The following SMARCAD1 variants were observed in gnomAD, a reference collection of about 807,000 sequenced individuals.
SMARCAD1 encodes SWI/SNF-related matrix-associated actin-dependent regulator of chromatin subfamily A containing DEAD/H box 1.
SMARCAD1 carries 25 observed loss-of-function variants against 127.1 expected under a neutral mutation model. That is an observed-to-expected ratio of 0.20 (90% confidence interval 0.14 to 0.27). The LOEUF (loss-of-function observed/expected upper bound fraction) is 0.27. SMARCAD1 is among the 10% of genes least tolerant of loss of function. The pLI is 1.00. For synonymous variants in SMARCAD1, 400 were observed against 396.9 expected (o/e 1.01, Z -0.09); for missense variants, 807 against 1,206.0 (o/e 0.67, Z 4.90).
chr4:94,281,398 CTG>C, intron 20 of SMARCAD1, 72 bp from the exon 21 acceptor site: 1 of 982,132 alleles, frequency 1.0e-6, no homozygotes, highest in Non-Finnish European at 1.6e-6. Context: ...ACACTTCTAA[CTG>C]TTTAAACCTG....
intron 2 of SMARCAD1, among the ~76,000 whole-genome samples, chr4:94,223,620 G>T (rs1473828128): frequency 6.6e-6 from 1 of 151,092 alleles, no homozygotes; most frequent in African/African-American, 2.4e-5. Context: ...CCAGGCTGGA[G>T]TGCAGTGGCA....
chr4:94,211,145 G>C (rs1045436751), intron 2 of SMARCAD1, among the ~76,000 whole-genome samples: 1 of 151,992 alleles, frequency 6.6e-6, no homozygotes, highest in Non-Finnish European at 1.5e-5. Context: ...GGTGGTACAT[G>C]CCTGTAATCC....
intron 2 of SMARCAD1, chr4:94,212,970 A>T: frequency 2.4e-6 from 2 of 825,030 alleles, no homozygotes; most frequent in East Asian, 1.3e-4. Flanking sequence ...TCGGTGCCCA[A>T]AGTTGTCAAT....
intron 23 of SMARCAD1, among the ~76,000 whole-genome samples, chr4:94,287,651 C>T (rs1755133377): frequency 6.6e-6 from 1 of 152,068 alleles, no homozygotes; most frequent in Non-Finnish European, 1.5e-5. Context: ...GTTTAACAGG[C>T]TATTGAAGTG....
intron 20 of SMARCAD1, 39 bp downstream of exon 20, chr4:94,280,819 ATTAC>A: frequency 1.3e-6 from 2 of 1,594,982 alleles, no homozygotes; most frequent in Non-Finnish European, 1.7e-6. Flanking sequence ...TATTTTCTCA[ATTAC>A]TTTAACTTCT....
chr4:94,276,961 T>C (rs1753399163), intron 15 of SMARCAD1, 61 bp from the exon 16 acceptor site: 13 of 1,568,152 alleles, frequency 8.3e-6, no homozygotes, highest in Non-Finnish European at 9.6e-6. Context: ...CTGGGGAGGA[T>C]AGACATGAAA....
At chr4:94,288,011 A>G (rs1303969935) in intron 23 of SMARCAD1, among the ~76,000 whole-genome samples, 6 of 151,984 alleles carry the variant, frequency 3.9e-5, no homozygotes, top group Admixed American at 6.5e-5. Context: ...TATTTTTTTA[A>G]TTGTTGAAAG....
chr4:94,220,386 T>C (rs1327793426), intron 2 of SMARCAD1, among the ~76,000 whole-genome samples: 3 of 152,162 alleles, frequency 2.0e-5, no homozygotes, highest in Non-Finnish European at 4.4e-5. Flanking sequence ...TAGCTGGGAC[T>C]ACAGGCGTGT....
At chr4:94,207,801 T>G (rs932530115), upstream of SMARCAD1, 1 of 258,472 alleles carries the variant, frequency 3.9e-6, no homozygotes, top group Admixed American at 5.0e-5. Flanking sequence ...TAGCATGCAC[T>G]CCACCTCTGA....
rs1319707217 is a variant in SMARCAD1, at chr4:94,227,734, T to C, written c.368+1438T>C. Among the ~76,000 whole-genome samples, 3 of 152,220 alleles carry C rather than the reference T, an allele frequency of 2.0e-5. No homozygotes were observed. In the East Asian group the frequency reaches 5.8e-4, roughly 29 times the overall value. ...AACATGCTATGATTGAGAACACTCC[T>C]AGACGTCTAAATGGAGATGTCAAGT... On this transcript the variant is annotated intron_variant, in intron 3 of 23. Coordinates refer to ENST00000354268, the MANE Select transcript of SMARCAD1 (RefSeq NM_020159.5).
intron 2 of SMARCAD1, among the ~76,000 whole-genome samples, chr4:94,222,742 C>T (rs1744341641): frequency 6.6e-6 from 1 of 152,114 alleles, no homozygotes; most frequent in African/African-American, 2.4e-5. Flanking sequence ...GCAGGTGGAT[C>T]ACCTGATGTC....
rs557537631 is a variant in SMARCAD1, at chr4:94,272,060, G to A, written c.1572+1242G>A. 2.6e-5 allele frequency among the ~76,000 whole-genome samples: 4 copies of A among 152,178 alleles called. No individual in the cohort carries two copies. In the South Asian group the frequency reaches 6.2e-4, roughly 24 times the overall value. The stretch of plus-strand genomic sequence containing the variant: ...CAAGATGAGTGTATCGGTAGCTTGC[G>A]TTTCTCCTGAGTCCTCTCTTTGACT... On this transcript the variant is annotated intron_variant, in intron 11 of 23. Transcript: ENST00000354268.
chr4:94,275,025 A>C, intron 14 of SMARCAD1, 60 bp downstream of exon 14: 2 of 1,150,940 alleles, frequency 1.7e-6, no homozygotes, highest in Non-Finnish European at 2.6e-6. Flanking sequence ...TTTAAAAAAG[A>C]AATTGTAGTA....
intron 2 of SMARCAD1, among the ~76,000 whole-genome samples, chr4:94,219,348 T>C (rs1286968510): frequency 1.3e-5 from 2 of 152,180 alleles, no homozygotes; most frequent in Admixed American, 6.5e-5. Context: ...TAATTTAAAG[T>C]ATTTCTATGT....
At chr4:94,265,217 T>C (rs1043434420) in intron 10 of SMARCAD1, among the ~76,000 whole-genome samples, 1 of 151,864 alleles carries the variant, frequency 6.6e-6, no homozygotes, top group African/African-American at 2.4e-5. Context: ...AAAAAGTGGT[T>C]TTAGTTACTC....
At chr4:94,239,875 GTTCTGTTCTTT>G in intron 5 of SMARCAD1, among the ~76,000 whole-genome samples, 1 of 152,084 alleles carries the variant, frequency 6.6e-6, no homozygotes, top group Non-Finnish European at 1.5e-5. Context: ...CCTGGCTTCT[GTTCTGTTCTTT>G]TTAGGAAAGA....
At chr4:94,279,112 A>G in intron 19 of SMARCAD1, 62 bp downstream of exon 19, 8 of 1,606,740 alleles carry the variant, frequency 5.0e-6, no homozygotes, top group South Asian at 1.1e-5. Context: ...TTAGGCTATA[A>G]GATTGGTGAA....
chr4:94,253,644 G>C, intron 9 of SMARCAD1: 1 of 1,030,252 alleles, frequency 9.7e-7, no homozygotes, highest in Non-Finnish European at 1.2e-6. Context: ...TAATTCAAGC[G>C]TTAGGTGAAG....
At chr4:94,211,102 G>A (rs988301849) in intron 2 of SMARCAD1, among the ~76,000 whole-genome samples, 1 of 151,674 alleles carries the variant, frequency 6.6e-6, no homozygotes, top group Non-Finnish European at 1.5e-5. Context: ...GAGAAACCCC[G>A]TTTCTACTAA....
Sources: allele counts gnomAD v4.1 joint callset (sites outside exome capture counted in the v4.1 genomes callset), GRCh38; gene constraint gnomAD v4.1.1; transcripts MANE v1.5; gene names NCBI Gene and HGNC (gene_info 2026-07-23, HGNC 2026-07-21).